RBFOX1: variants seen among roughly 807,000 people sequenced by gnomAD.
RBFOX1 encodes RNA binding protein fox-1 homolog 1.
In RBFOX1, 8 loss-of-function variants were observed where a neutral mutation model predicts 57.7. The ratio of observed to expected loss-of-function variants is 0.14; its 90% CI spans 0.08 to 0.25. The LOEUF (loss-of-function observed/expected upper bound fraction) is 0.25, where lower values mean the gene tolerates loss of function less well. Ranked by LOEUF, RBFOX1 falls within the 10% of genes least tolerant of loss-of-function variation. The pLI is 1.00. For missense variants in RBFOX1, 611 were observed against 548.5 expected (o/e 1.11, Z -1.14); for synonymous variants, 326 against 222.4 (o/e 1.47, Z -4.15).
intron 3 of RBFOX1, among the ~76,000 whole-genome samples, chr16:6,969,886 GT>G (rs2085141730): frequency 6.6e-6 from 1 of 152,160 alleles, no homozygotes; most frequent in Non-Finnish European, 1.5e-5. Flanking sequence ...GGTATGCAAT[GT>G]TGTGTCACTT....
chr16:6,771,739 G>C (rs1362105514), intron 3 of RBFOX1, among the ~76,000 whole-genome samples: 2 of 152,180 alleles, frequency 1.3e-5, no homozygotes, highest in African/African-American at 4.8e-5. Flanking sequence ...GGAGGCCAGG[G>C]ATGCTGTTTA....
chr16:6,751,928 G>C (rs11860687), intron 3 of RBFOX1, among the ~76,000 whole-genome samples: 34,471 of 152,068 alleles, frequency 0.23, 4,024 homozygotes, highest in East Asian at 0.32. Context: ...CGTGAGTCCA[G>C]GCTTTAACAA....
chr16:7,244,175 A>G (rs947080457), intron 4 of RBFOX1, among the ~76,000 whole-genome samples: 5 of 151,670 alleles, frequency 3.3e-5, no homozygotes, highest in Non-Finnish European at 7.4e-5. Context: ...AAATCAGAGT[A>G]AATAAACATT....
intron 3 of RBFOX1, among the ~76,000 whole-genome samples, chr16:6,753,750 C>A (rs1445781836): frequency 6.6e-6 from 1 of 152,040 alleles, no homozygotes; most frequent in African/African-American, 2.4e-5. Context: ...CTCTGGCCTC[C>A]TTGGATTTAT....
In RBFOX1 at chr16:7,623,105, T is replaced by C. The variant is rs550724859; in HGVS notation, c.677-7498T>C. On this transcript the variant is annotated intron_variant, in intron 10 of 15. Coordinates refer to ENST00000550418, the MANE Select transcript of RBFOX1 (RefSeq NM_018723.4). The stretch of plus-strand genomic sequence containing the variant: ...GAAGTTTGAGGCTTATGGGTCACTT[T>C]GTAGGGGACTCTCATTATAAGGTAG... 3.3e-3 allele frequency among the ~76,000 whole-genome samples: 504 copies of C among 152,292 alleles called. 4 individuals carry two copies. Among genetic ancestry groups the C allele is most frequent in the African/African-American group, 0.012 (488 of 41,550 alleles).
At chr16:5,426,684 C>T (rs1321332437) in intron 1 of RBFOX1, among the ~76,000 whole-genome samples, 3 of 152,240 alleles carry the variant, frequency 2.0e-5, no homozygotes, top group African/African-American at 7.2e-5. Flanking sequence ...GAGGGAACAG[C>T]TGCTTCTTGT....
chr16:7,397,049 T>A (rs970132194), intron 4 of RBFOX1, among the ~76,000 whole-genome samples: 1 of 152,166 alleles, frequency 6.6e-6, no homozygotes, highest in Non-Finnish European at 1.5e-5. Flanking sequence ...GAACGTGAGG[T>A]CTAACTTGCT....
chr16:7,671,494 A>G (rs1447923020), intron 13 of RBFOX1: 3 of 1,433,006 alleles, frequency 2.1e-6, no homozygotes, highest in East Asian at 2.3e-5. Context: ...TGTCTGACTT[A>G]TGCATTCTCT....
At chr16:7,281,241 G>A (rs1306722608) in intron 4 of RBFOX1, among the ~76,000 whole-genome samples, 1 of 151,806 alleles carries the variant, frequency 6.6e-6, no homozygotes, top group Non-Finnish European at 1.5e-5. Flanking sequence ...GAACTTAAGT[G>A]ATCTGCCTGT....
At chr16:6,066,355 T>C (rs1036838575) in intron 1 of RBFOX1, among the ~76,000 whole-genome samples, 1 of 79,202 alleles carries the variant, frequency 1.3e-5, no homozygotes, top group African/African-American at 5.9e-5. Flanking sequence ...AGAGGGTAAA[T>C]AGAAAGCACT....
At chr16:7,259,698 T>C (rs2094841829) in intron 4 of RBFOX1, among the ~76,000 whole-genome samples, 2 of 152,210 alleles carry the variant, frequency 1.3e-5, no homozygotes, top group Non-Finnish European at 2.9e-5. Context: ...TTTCTGATGT[T>C]TATACATCAC....
At chr16:7,022,766 G>A (rs1213577189) in intron 3 of RBFOX1, among the ~76,000 whole-genome samples, 3 of 152,108 alleles carry the variant, frequency 2.0e-5, no homozygotes, top group Non-Finnish European at 4.4e-5. Flanking sequence ...CTAATGTTTG[G>A]TATATTAGCT....
intron 4 of RBFOX1, among the ~76,000 whole-genome samples, chr16:7,238,102 C>G (rs141621463): frequency 5.9e-5 from 9 of 152,178 alleles, no homozygotes; most frequent in African/African-American, 2.2e-4. Flanking sequence ...ACAAATATTG[C>G]ATGATTCCAC....
At chr16:6,810,490 A>T (rs1174884419) in intron 3 of RBFOX1, among the ~76,000 whole-genome samples, 1 of 152,068 alleles carries the variant, frequency 6.6e-6, no homozygotes, top group African/African-American at 2.4e-5. Flanking sequence ...ACCGTTCATG[A>T]GTCTTGATTC....
chr16:6,786,846 G>C (rs907871437), intron 3 of RBFOX1, among the ~76,000 whole-genome samples: 1 of 152,038 alleles, frequency 6.6e-6, no homozygotes, highest in East Asian at 1.9e-4. Flanking sequence ...GAATTGATTT[G>C]AGGATAGCAT....
chr16:5,246,114 C>T lies in RBFOX1; in HGVS notation c.219+6009C>T, dbSNP rs1413594387. Among the ~76,000 whole-genome samples the T allele has an allele frequency of 2.6e-5, 4 of 152,096 alleles. No individual in the cohort carries two copies. The East Asian group carries it at 7.7e-4, about 29-fold the overall frequency. On this transcript the variant is annotated intron_variant, in intron 1 of 2. Transcript: ENST00000585867. ...AAAATTAGCCAGGTGTGATGGCACA[C>T]ACCTGTAATCCCAGCTACTTGGGAG...
At chr16:7,448,432 G>A (rs906301991) in intron 4 of RBFOX1, among the ~76,000 whole-genome samples, 7 of 152,162 alleles carry the variant, frequency 4.6e-5, no homozygotes, top group East Asian at 1.9e-4. Flanking sequence ...GCAAAGACAC[G>A]TTTTACATGG....
At chr16:5,534,344 G>A (rs1442671934) in intron 2 of RBFOX1, among the ~76,000 whole-genome samples, 1 of 152,152 alleles carries the variant, frequency 6.6e-6, no homozygotes, top group Non-Finnish European at 1.5e-5. Flanking sequence ...ATCAGAAAGT[G>A]AAGTCCCCCA....
At chr16:6,547,807 A>T (rs571107232) in intron 2 of RBFOX1, among the ~76,000 whole-genome samples, 1 of 151,130 alleles carries the variant, frequency 6.6e-6, no homozygotes, top group South Asian at 2.1e-4. Context: ...CATCTTTCCT[A>T]TTTGCATCTA....
Sources: allele counts gnomAD v4.1 joint callset (sites outside exome capture counted in the v4.1 genomes callset), GRCh38; gene constraint gnomAD v4.1.1; transcripts MANE v1.5; gene names NCBI Gene and HGNC (gene_info 2026-07-23, HGNC 2026-07-21).